The following CWC25 variants were observed in gnomAD, a reference collection of about 807,000 sequenced individuals.
CWC25 encodes pre-mRNA-splicing factor CWC25 homolog.
Under a neutral mutation model 54.6 loss-of-function variants are expected in CWC25, and 31 were observed. That is an observed-to-expected ratio of 0.57 (90% CI 0.43 to 0.77). The LOEUF is 0.77. Among genes scored for constraint, CWC25 ranks in the 30% least tolerant of loss-of-function variants. The pLI is 0.00. For missense variants in CWC25, 453 were observed against 529.3 expected, an observed-to-expected ratio of 0.86 and a Z score of 1.41; for synonymous variants, 151 against 187.0, an observed-to-expected ratio of 0.81 and a Z score of 1.57.
intron 8 of CWC25, among the ~76,000 whole-genome samples, 153 bp from the exon 9 acceptor site, chr17:38,803,014 G>A (rs1444879432): frequency 1.3e-5 from 2 of 152,164 alleles, no homozygotes; most frequent in Non-Finnish European, 2.9e-5. Flanking sequence ...TAACGTCCTG[G>A]TCAGGAGGTT....
At chr17:38,821,700 G>A (rs1480009050) in intron 1 of CWC25, among the ~76,000 whole-genome samples, 2 of 152,102 alleles carry the variant, frequency 1.3e-5, no homozygotes, top group African/African-American at 2.4e-5. Context: ...TGACAAGACA[G>A]GAGGAATGCA....
intron 2 of CWC25, among the ~76,000 whole-genome samples, chr17:38,819,533 ATT>A (rs779646563): frequency 1.2e-4 from 17 of 137,146 alleles, no homozygotes; most frequent in Non-Finnish European, 9.6e-5. Flanking sequence ...CGCCCAGTTA[ATT>A]TTTTTTTTTT....
chr17:38,823,106 A>G (rs558935383), intron 1 of CWC25, among the ~76,000 whole-genome samples: 69 of 148,508 alleles, frequency 4.6e-4, no homozygotes, highest in Non-Finnish European at 8.3e-4. Flanking sequence ...CCAAAGTGCT[A>G]GGATTACAGG....
At chr17:38,822,029 A>T (rs1356790419) in intron 1 of CWC25, among the ~76,000 whole-genome samples, 1 of 151,768 alleles carries the variant, frequency 6.6e-6, no homozygotes, top group Non-Finnish European at 1.5e-5. Flanking sequence ...TGGCCTCCCA[A>T]ACTGCTGGGA....
intron 1 of CWC25, among the ~76,000 whole-genome samples, chr17:38,822,368 A>C (rs964098345): frequency 6.6e-6 from 1 of 151,918 alleles, no homozygotes; most frequent in Admixed American, 6.6e-5. Flanking sequence ...TGGCATGGAC[A>C]TTCATTCTTT....
chr17:38,821,781 C>CTT (rs36017153), intron 1 of CWC25, among the ~76,000 whole-genome samples: 1 of 144,084 alleles, frequency 6.9e-6, no homozygotes, highest in Non-Finnish European at 1.5e-5. Flanking sequence ...GACATTCATT[C>CTT]TTTTTTTTTT....
intron 8 of CWC25, 138 bp from the exon 9 acceptor site, chr17:38,802,999 C>T: frequency 1.1e-6 from 1 of 922,058 alleles, no homozygotes; most frequent in Non-Finnish European, 1.6e-6. Context: ...GCCTGAGTTC[C>T]CTTCTAACGT....
At chr17:38,824,525 A>G (rs1912061907) in intron 1 of CWC25, among the ~76,000 whole-genome samples, 1 of 152,122 alleles carries the variant, frequency 6.6e-6, no homozygotes, top group Admixed American at 6.6e-5. Context: ...TGTCTCTACT[A>G]AAAATACAAA....
Position 38,802,694 on chromosome 17 carries a change from A to G in CWC25, c.1163+6T>C. On this transcript the variant is annotated splice_donor_region_variant and intron_variant, in intron 9 of 9. Transcript: ENST00000614790. ...AAAGACCCTGGCAGGAAGAAGATGC[A>G]CTCACTGGATGAACTTCCCATCCCG... 6.2e-7 allele frequency: 1 copy of G among 1,613,748 alleles called. No individual in the cohort carries two copies. The highest frequency in any genetic ancestry group is 1.3e-5 in the African/African-American group (1 of 75,004).
chr17:38,809,294 G>T (rs1310364718), intron 6 of CWC25, among the ~76,000 whole-genome samples: 1 of 151,608 alleles, frequency 6.6e-6, no homozygotes, highest in African/African-American at 2.4e-5. Context: ...CGGGCGTGGT[G>T]GTGGGCGCCT....
At position 38,802,869 on chromosome 17, in the gene CWC25, G is replaced by T; in HGVS notation, c.1002-8C>A. 2.5e-6 allele frequency: 4 copies of T among 1,613,692 alleles called. No homozygotes were observed. Among genetic ancestry groups the T allele is most frequent in the Non-Finnish European group, 3.4e-6 (4 of 1,179,844 alleles). ...TCCTCTGCAGAGAGTTTTCTGTTGA[G>T]CACAGAAACCATACGATCAGGTCTC... On this transcript the variant is annotated splice_polypyrimidine_tract_variant and splice_region_variant and intron_variant, in intron 8 of 9. Coordinates refer to ENST00000614790, the MANE Select transcript of CWC25 (RefSeq NM_017748.5).
intron 4 of CWC25, among the ~76,000 whole-genome samples, chr17:38,811,833 T>C (rs1269875134): frequency 2.6e-5 from 4 of 152,184 alleles, no homozygotes; most frequent in Admixed American, 2.0e-4. Flanking sequence ...CCAATTCCAC[T>C]GAAAGCAGTC....
intron 1 of CWC25, among the ~76,000 whole-genome samples, chr17:38,823,866 T>C (rs1249582732): frequency 1.3e-5 from 2 of 152,208 alleles, no homozygotes; most frequent in African/African-American, 2.4e-5. Context: ...TCCAGTCTAG[T>C]GGCTAGAGGC....
intron 2 of CWC25, among the ~76,000 whole-genome samples, chr17:38,818,004 G>T (rs553022116): frequency 1.3e-5 from 2 of 150,522 alleles, no homozygotes; most frequent in Non-Finnish European, 3.0e-5. Flanking sequence ...TAGGCCGGGT[G>T]CAGTGGCTCA....
At chr17:38,819,034 T>TTTAC (rs1312076937) in intron 2 of CWC25, among the ~76,000 whole-genome samples, 1 of 151,842 alleles carries the variant, frequency 6.6e-6, no homozygotes, top group Admixed American at 6.6e-5. Flanking sequence ...TATTTATTTA[T>TTTAC]TTACTTAGAG....
At chr17:38,816,287 C>T (rs767848942) in intron 2 of CWC25, among the ~76,000 whole-genome samples, 4 of 152,180 alleles carry the variant, frequency 2.6e-5, no homozygotes, top group African/African-American at 4.8e-5. Context: ...CTCACTCTGT[C>T]ACCCAGGCTG....
Position 38,806,283 on chromosome 17 carries a change from G to A in CWC25, c.1001+14C>T, listed in dbSNP as rs1567670019. On this transcript the variant is annotated intron_variant, in intron 8 of 9. Transcript: ENST00000614790. ...CCTGCAAAATGTGGTTAATCAACTGGGCTCCTGACTCACCTGGTGTATCCG... is the reference window on the plus strand; with the variant it reads ...CCTGCAAAATGTGGTTAATCAACTGAGCTCCTGACTCACCTGGTGTATCCG... The A allele has an allele frequency of 6.2e-7, 1 of 1,600,228 alleles. No homozygotes were observed. The highest frequency in any genetic ancestry group is 1.1e-5 in the South Asian group (1 of 89,228).
Position 38,808,172 on chromosome 17 carries a change from C to T in CWC25, c.691-1196G>A, listed in dbSNP as rs1401251886. On this transcript the variant is annotated intron_variant, in intron 6 of 9. Coordinates refer to ENST00000614790, the MANE Select transcript of CWC25 (RefSeq NM_017748.5). ...GGCCAAGACGGGCAGATCACAAGGT[C>T]GGGAGTTCGAGACCAGCCTGGCCAA... Among the ~76,000 whole-genome samples the T allele has an allele frequency of 4.5e-5, 6 of 133,686 alleles. 2 individuals carry two copies. Among genetic ancestry groups the T allele is most frequent in the Admixed American group, 2.4e-4 (3 of 12,336 alleles). The allele number at this position is 133,686 out of a possible 152,430, so 87.7% of individuals were successfully genotyped here.
intron 1 of CWC25, among the ~76,000 whole-genome samples, chr17:38,822,978 C>T (rs1278150958): frequency 6.6e-6 from 1 of 150,724 alleles, no homozygotes; most frequent in East Asian, 2.0e-4. Flanking sequence ...GCTGGGACTA[C>T]AGACATCCGC....
Sources: allele counts gnomAD v4.1 joint callset (sites outside exome capture counted in the v4.1 genomes callset), GRCh38; gene constraint gnomAD v4.1.1; transcripts MANE v1.5; gene names NCBI Gene and HGNC (gene_info 2026-07-23, HGNC 2026-07-21).